Variants in PSMD14 observed in about 807,000 individuals in gnomAD.
PSMD14 encodes ubiquitin C-terminal hydrolase PSMD14.
A neutral mutation model predicts 41.2 loss-of-function variants in PSMD14; 7 were observed. That is an observed-to-expected ratio of 0.17 (90% CI 0.10 to 0.32). The LOEUF (loss-of-function observed/expected upper bound fraction) is 0.32, where lower values mean the gene tolerates loss of function less well. Ranked by LOEUF, PSMD14 falls within the 10% of genes least tolerant of loss-of-function variation. PSMD14 has a pLI of 1.00. For synonymous variants in PSMD14, 114 were observed against 122.3 expected (o/e 0.93, Z 0.45); for missense variants, 139 against 375.6 (o/e 0.37, Z 5.21).
chr2:161,360,671 G>C (rs1559047025), intron 3 of PSMD14, among the ~76,000 whole-genome samples: 1 of 151,918 alleles, frequency 6.6e-6, no homozygotes, highest in African/African-American at 2.4e-5. Flanking sequence ...TGGGTAGTTG[G>C]GATTGCAAGT....
chr2:161,346,298 C>G (rs1683041258), intron 3 of PSMD14, among the ~76,000 whole-genome samples: 1 of 152,116 alleles, frequency 6.6e-6, no homozygotes, highest in Non-Finnish European at 1.5e-5. Flanking sequence ...TGTCATGCCT[C>G]TCTGAACTCA....
chr2:161,400,729 A>G (rs1294471824), intron 10 of PSMD14, among the ~76,000 whole-genome samples: 3 of 151,936 alleles, frequency 2.0e-5, no homozygotes, highest in Non-Finnish European at 2.9e-5. Flanking sequence ...AATTTTTTGT[A>G]GAGATGGGGT....
At chr2:161,350,196 G>C (rs1331748304) in intron 3 of PSMD14, among the ~76,000 whole-genome samples, 2 of 152,154 alleles carry the variant, frequency 1.3e-5, no homozygotes, top group Non-Finnish European at 2.9e-5. Context: ...TTGGGGATAG[G>C]GTTGCCAGAT....
Position 161,407,690 on chromosome 2 carries a change from T to C in PSMD14, c.772-1147T>C, listed in dbSNP as rs1683969134. 5 of 152,096 alleles carry C rather than the reference T, an allele frequency of 3.3e-5. No homozygotes were observed. In the South Asian group the frequency reaches 8.3e-4, roughly 25 times the overall value. The allele number at this position is 152,096 out of a possible 1,614,324, so 9.4% of individuals were successfully genotyped here. On this transcript the variant is annotated intron_variant, in intron 10 of 11. Transcript: ENST00000409682. Reference sequence around the variant, plus strand: ...ATGAAGAAATTTGGCAGCTGTGAGATTATAAAGTTCAGAGTATCCAAATCT... The same window carrying C: ...ATGAAGAAATTTGGCAGCTGTGAGACTATAAAGTTCAGAGTATCCAAATCT...
At chr2:161,311,612 G>A (rs1689088131) in intron 1 of PSMD14, among the ~76,000 whole-genome samples, 1 of 136,146 alleles carries the variant, frequency 7.3e-6, no homozygotes, top group Non-Finnish European at 1.6e-5. Context: ...TGATGAGTCT[G>A]TTCTCACTCT....
At chr2:161,376,511 A>G (rs1430944362) in intron 7 of PSMD14, among the ~76,000 whole-genome samples, 1 of 152,088 alleles carries the variant, frequency 6.6e-6, no homozygotes, top group East Asian at 1.9e-4. Flanking sequence ...AATTTGCTAC[A>G]TTTAGGAATA....
Position 161,391,197 on chromosome 2 carries a change from C to A in PSMD14, c.645+19C>A. On this transcript the variant is annotated intron_variant, in intron 9 of 11. Transcript: ENST00000409682. ...ACAGAAGGTAAGTTTAAATTTTTAT[C>A]TTATAGGAGGAAAAAAATCTTTTTC... is the stretch of plus-strand genomic sequence containing the variant. The A allele has an allele frequency of 6.7e-7, 1 of 1,488,712 alleles. No homozygotes were observed. Among genetic ancestry groups the A allele is most frequent in the Non-Finnish European group, 8.9e-7 (1 of 1,119,378 alleles). The allele number at this position is 1,488,712 out of a possible 1,614,324, so 92.2% of individuals were successfully genotyped here.
intron 3 of PSMD14, among the ~76,000 whole-genome samples, chr2:161,326,732 G>A (rs1355457172): frequency 1.3e-5 from 2 of 152,080 alleles, no homozygotes; most frequent in Non-Finnish European, 2.9e-5. Flanking sequence ...TTGATTCTCG[G>A]ACCTCTGATG....
At chr2:161,394,307 A>G (rs1323709737) in intron 9 of PSMD14, among the ~76,000 whole-genome samples, 1 of 152,072 alleles carries the variant, frequency 6.6e-6, no homozygotes, top group Non-Finnish European at 1.5e-5. Flanking sequence ...AAAGATTTTC[A>G]TGGCTTTTCA....
chr2:161,402,599 C>T (rs952125333), intron 10 of PSMD14, among the ~76,000 whole-genome samples: 3 of 151,998 alleles, frequency 2.0e-5, no homozygotes, highest in African/African-American at 7.3e-5. Flanking sequence ...CGTGATCATA[C>T]CACTGTACTT....
chr2:161,408,671 C>T, intron 10 of PSMD14, 166 bp from the exon 11 acceptor site: 21 of 537,320 alleles, frequency 3.9e-5, no homozygotes, highest in South Asian at 1.1e-4. Flanking sequence ...TTTTTATTGC[C>T]CTGAAGGTTA....
At chr2:161,328,918 C>T (rs1192321913) in intron 3 of PSMD14, among the ~76,000 whole-genome samples, 1 of 152,056 alleles carries the variant, frequency 6.6e-6, no homozygotes, top group Non-Finnish European at 1.5e-5. Flanking sequence ...CATTAAATAA[C>T]ATTTTTCTTT....
At chr2:161,385,920 T>C (rs1409019959) in intron 8 of PSMD14, among the ~76,000 whole-genome samples, 1 of 151,782 alleles carries the variant, frequency 6.6e-6, no homozygotes, top group Non-Finnish European at 1.5e-5. Flanking sequence ...GCTTGATTAG[T>C]AGGTATTTTT....
At chr2:161,373,158 A>G (rs1347233019) in intron 7 of PSMD14, among the ~76,000 whole-genome samples, 2 of 151,872 alleles carry the variant, frequency 1.3e-5, no homozygotes, top group Non-Finnish European at 2.9e-5. Context: ...ATTGTAATTT[A>G]TATTAAAATG....
intron 1 of PSMD14, among the ~76,000 whole-genome samples, chr2:161,314,091 T>G (rs2105228500): frequency 6.6e-6 from 1 of 152,348 alleles, no homozygotes; most frequent in Middle Eastern, 3.4e-3. Context: ...TGCAAAACAT[T>G]TATATTTTTA....
intron 3 of PSMD14, among the ~76,000 whole-genome samples, chr2:161,362,544 T>C (rs1398851810): frequency 6.6e-6 from 1 of 152,218 alleles, no homozygotes; most frequent in Non-Finnish European, 1.5e-5. Flanking sequence ...TCAGGGAAAA[T>C]ATATGGAATC....
At chr2:161,383,384 G>A (rs1229338523) in intron 7 of PSMD14, 1 of 151,976 alleles carries the variant, frequency 6.6e-6, no homozygotes, top group Non-Finnish European at 1.5e-5. Context: ...CTCAGGAATT[G>A]TCAATGAAAG....
At chr2:161,403,153 A>G (rs1440219545) in intron 10 of PSMD14, among the ~76,000 whole-genome samples, 1 of 152,250 alleles carries the variant, frequency 6.6e-6, no homozygotes, top group South Asian at 2.1e-4. Flanking sequence ...AATGTCTATC[A>G]GTAGATGAGT....
chr2:161,312,424 A>C (rs1178359430), intron 1 of PSMD14, among the ~76,000 whole-genome samples: 1 of 152,206 alleles, frequency 6.6e-6, no homozygotes, highest in East Asian at 1.9e-4. Context: ...GATTACAGGC[A>C]TGAGCCACTG....
Sources: gnomAD v4.1 joint callset for allele counts (sites outside exome capture counted in the v4.1 genomes callset) on GRCh38, gnomAD v4.1.1 for gene constraint, MANE v1.5 for transcripts, NCBI Gene and HGNC (gene_info 2026-07-23, HGNC 2026-07-21) for gene names.